Variants in JHY observed in about 807,000 individuals in gnomAD.
The protein encoded by JHY is jhy protein homolog.
In JHY, 69 loss-of-function variants were observed where a neutral mutation model predicts 78.0. That is an observed-to-expected ratio of 0.88 (90% confidence interval 0.73 to 1.08). The LOEUF (loss-of-function observed/expected upper bound fraction) is 1.08, where lower values mean the gene tolerates loss of function less well. JHY is among the 50% of genes least tolerant of loss of function. The pLI is 0.00. For missense variants in JHY, 944 were observed against 927.8 expected (o/e 1.02, Z -0.23); for synonymous variants, 368 against 342.6 (o/e 1.07, Z -0.82).
chr11:122,932,026 C>T (rs1018275473), intron 4 of JHY, among the ~76,000 whole-genome samples: 4 of 152,138 alleles, frequency 2.6e-5, no homozygotes, highest in East Asian at 1.9e-4. Context: ...GCAGCGACTG[C>T]GGGTGTTGGT....
intron 3 of JHY, chr11:122,905,862 G>A (rs1235721050): frequency 6.6e-6 from 1 of 151,850 alleles, no homozygotes; most frequent in African/African-American, 2.4e-5. Context: ...GTGAGACTCT[G>A]TCTCAAAATA....
intron 4 of JHY, among the ~76,000 whole-genome samples, chr11:122,931,536 T>A (rs144912602): frequency 6.6e-6 from 1 of 152,208 alleles, no homozygotes; most frequent in South Asian, 2.1e-4. Flanking sequence ...TGAGATTCTC[T>A]TAATATTATC....
chr11:122,928,672 C>T (rs963530868), intron 4 of JHY, among the ~76,000 whole-genome samples: 2 of 151,926 alleles, frequency 1.3e-5, no homozygotes, highest in Non-Finnish European at 2.9e-5. Context: ...TTTTTGAGAC[C>T]GAGTCTCACT....
chr11:122,933,279 C>T (rs1360193918), intron 4 of JHY, among the ~76,000 whole-genome samples: 1 of 152,072 alleles, frequency 6.6e-6, no homozygotes, highest in Non-Finnish European at 1.5e-5. Context: ...TAGATAAAAG[C>T]TAAAGAGATT....
chr11:122,900,645 C>T (rs1196732595), intron 2 of JHY, among the ~76,000 whole-genome samples: 1 of 150,598 alleles, frequency 6.6e-6, no homozygotes, highest in East Asian at 2.0e-4. Context: ...CAGGCAGGAC[C>T]GTATGCTTAA....
chr11:122,935,149 G>A lies in JHY; in HGVS notation c.1634+74G>A. The A allele has an allele frequency of 7.6e-7, 1 of 1,311,576 alleles. No homozygotes were observed. The highest frequency in any genetic ancestry group is 1.0e-6 in the Non-Finnish European group (1 of 964,626). 81.2% of individuals were successfully genotyped at this position (1,311,576 alleles called of 1,614,324 possible). On this transcript the variant is annotated intron_variant, in intron 5 of 8. Coordinates refer to ENST00000227349, the MANE Select transcript of JHY (RefSeq NM_024806.4). This position sits in a 1 kb window ranked among gnomAD's most constrained non-coding sequence, Gnocchi z 4.5. ...CTGCTGCAGAAAGACGGGAGAGGAA[G>A]AAGGGGAAGGGGAATCCATAAGGTG... is the stretch of plus-strand genomic sequence containing the variant.
chr11:122,912,897 C>T (rs572881220), intron 3 of JHY, among the ~76,000 whole-genome samples: 2 of 152,122 alleles, frequency 1.3e-5, no homozygotes, highest in South Asian at 2.1e-4. Flanking sequence ...TACCAAGCTA[C>T]GGACTCGGGG....
Position 122,885,802 on chromosome 11 carries a change from G to C in JHY, c.-48G>C. On this transcript the variant is annotated 5_prime_UTR_variant, in exon 2 of 9. Coordinates refer to ENST00000227349, the MANE Select transcript of JHY (RefSeq NM_024806.4). The stretch of plus-strand genomic sequence containing the variant: ...CCACAACTTTAAATATCAGCCAGCT[G>C]CTCCTATCAACACGAGTATCCCCTG... 7.1e-7 allele frequency: 1 copy of C among 1,408,862 alleles called. No homozygotes were observed. The highest frequency in any genetic ancestry group is 9.8e-7 in the Non-Finnish European group (1 of 1,021,414). The allele number at this position is 1,408,862 out of a possible 1,614,324, so 87.3% of individuals were successfully genotyped here.
intron 2 of JHY, among the ~76,000 whole-genome samples, chr11:122,901,365 C>G (rs1314088787): frequency 2.0e-5 from 3 of 152,164 alleles, no homozygotes; most frequent in Non-Finnish European, 4.4e-5. Context: ...TTCAGAAACA[C>G]TGTACACTTA....
At chr11:122,889,333 G>GC (rs11386404) in intron 2 of JHY, among the ~76,000 whole-genome samples, 143,937 of 152,216 alleles carry the variant, frequency 0.95, 68,133 homozygotes, top group Middle Eastern at 0.98. Context: ...CGTATCCATG[G>GC]TTTCGCATCT....
intron 6 of JHY, among the ~76,000 whole-genome samples, chr11:122,955,341 G>A (rs1270311782): frequency 6.6e-6 from 1 of 152,108 alleles, no homozygotes; most frequent in African/African-American, 2.4e-5. Context: ...AGCTGGTCTC[G>A]AACTCCTAAC....
At position 122,919,840 on chromosome 11, in the gene JHY, AC is replaced by A. The variant is rs141490638; in HGVS notation, c.865-5056del. ...CTAAAAATATGAAAAATAAAAAAAAACGTTTCAGTGTCACCCAATTCTCACT... is the reference window on the plus strand; with the variant it reads ...CTAAAAATATGAAAAATAAAAAAAAAGTTTCAGTGTCACCCAATTCTCACT... On this transcript the variant is annotated intron_variant, in intron 3 of 8. Coordinates refer to ENST00000227349, the MANE Select transcript of JHY (RefSeq NM_024806.4). Among the ~76,000 whole-genome samples, 1,427 of 152,274 alleles carry A rather than the reference AC, an allele frequency of 9.4e-3. 8 individuals carry two copies. Among genetic ancestry groups the A allele is most frequent in the South Asian group, 0.03 (147 of 4,824 alleles).
chr11:122,950,621 T>C (rs1864066959), intron 6 of JHY, among the ~76,000 whole-genome samples: 1 of 152,226 alleles, frequency 6.6e-6, no homozygotes, highest in African/African-American at 2.4e-5. Context: ...TATTCTTTCT[T>C]TTTGTAGACT....
At chr11:122,889,178 C>T (rs895359493) in intron 2 of JHY, among the ~76,000 whole-genome samples, 7 of 152,190 alleles carry the variant, frequency 4.6e-5, no homozygotes, top group Non-Finnish European at 1.0e-4. Context: ...AATTACTTTT[C>T]TCTGATAACT....
chr11:122,900,511 CTTTTTTTTT>C (rs374998954), intron 2 of JHY, among the ~76,000 whole-genome samples: 7 of 65,098 alleles, frequency 1.1e-4, no homozygotes, highest in African/African-American at 3.6e-4. Flanking sequence ...ATACTACCAG[CTTTTTTTTT>C]TTTTTTTTTT....
At chr11:122,885,425 G>C (rs911695278) in intron 1 of JHY, among the ~76,000 whole-genome samples, 2 of 152,130 alleles carry the variant, frequency 1.3e-5, no homozygotes, top group African/African-American at 4.8e-5. Flanking sequence ...GGCTATCAAA[G>C]TACTGTCCAT....
Position 122,960,196 on chromosome 11 carries a change from T to G in JHY, c.*751T>G, listed in dbSNP as rs1441998024. On this transcript the variant is annotated 3_prime_UTR_variant, in exon 9 of 9. Transcript: ENST00000227349. The stretch of plus-strand genomic sequence containing the variant: ...TTACAGTGAGCCGAGATTGTACCAT[T>G]GCACTCCAGCCTGGGCAACAAAGCA... 1.3e-5 allele frequency: 2 copies of G among 152,724 alleles called. No individual in the cohort carries two copies. Among genetic ancestry groups the G allele is most frequent in the Non-Finnish European group, 2.9e-5 (2 of 68,486 alleles). 9.5% of individuals were successfully genotyped at this position (152,724 alleles called of 1,614,324 possible).
chr11:122,901,774 G>A (rs1862864655), intron 2 of JHY, among the ~76,000 whole-genome samples: 1 of 151,854 alleles, frequency 6.6e-6, no homozygotes, highest in African/African-American at 2.4e-5. Flanking sequence ...TCGGGAGGCT[G>A]AGGCAGGAGA....
chr11:122,957,241 C>T, intron 7 of JHY, 122 bp from the exon 8 acceptor site: 2 of 1,072,486 alleles, frequency 1.9e-6, no homozygotes, highest in Non-Finnish European at 2.5e-6. Context: ...CAAGGTGATC[C>T]CATTGCTCCT....
Sources: allele counts gnomAD v4.1 joint callset (sites outside exome capture counted in the v4.1 genomes callset), GRCh38; gene constraint gnomAD v4.1.1; non-coding constraint Gnocchi (gnomAD v3.1); transcripts MANE v1.5; gene names NCBI Gene and HGNC (gene_info 2026-07-23, HGNC 2026-07-21).